Variants in H6PD observed in about 807,000 individuals in gnomAD.
H6PD encodes GDH/6PGL endoplasmic bifunctional protein.
H6PD carries 48 observed loss-of-function variants against 61.2 expected under a neutral mutation model. The observed-to-expected ratio is 0.78, with a 90% confidence interval of 0.62 to 1.00. The LOEUF (loss-of-function observed/expected upper bound fraction) is 1.00. H6PD is among the 50% of genes least tolerant of loss of function. The pLI, the probability that H6PD is intolerant of heterozygous loss-of-function variation, is 0.00. For missense variants in H6PD, 1,093 were observed against 1,065.0 expected (o/e 1.03, Z -0.37); for synonymous variants, 480 against 457.9 (o/e 1.05, Z -0.62).
intron 3 of H6PD, among the ~76,000 whole-genome samples, chr1:9,258,336 CA>C (rs1219653516): frequency 2.0e-5 from 3 of 152,062 alleles, no homozygotes; most frequent in African/African-American, 4.8e-5. Flanking sequence ...AGGGTTGTTA[CA>C]TTGTTGTTAC....
Position 9,271,272 on chromosome 1 carries a change from A to T in H6PD, c.*6403A>T, listed in dbSNP as rs9435164. 30,234 of 152,152 alleles carry T rather than the reference A, an allele frequency of 0.2. 3,761 individuals carry two copies. Among genetic ancestry groups the T allele is most frequent in the African/African-American group, 0.35 (14,375 of 41,452 alleles). The allele number at this position is 152,152 out of a possible 1,614,324, so 9.4% of individuals were successfully genotyped here. ...TTTTAAACCTTTTAAGAACATTTTT[A>T]AAATGTCTTTTTCTATGTCAAATGT... is the stretch of plus-strand genomic sequence containing the variant. On this transcript the variant is annotated 3_prime_UTR_variant, in exon 5 of 5. Transcript: ENST00000377403.
chr1:9,240,644 A>G (rs1016139933), intron 1 of H6PD, among the ~76,000 whole-genome samples: 1 of 152,138 alleles, frequency 6.6e-6, no homozygotes, highest in Non-Finnish European at 1.5e-5. Flanking sequence ...AGCTGCTCAA[A>G]CTTTTCACTA....
Position 9,264,515 on chromosome 1 carries a change from C to G in H6PD, c.2022C>G (p.Ala674=). 6.2e-7 allele frequency: 1 copy of G among 1,613,306 alleles called. No homozygotes were observed. The highest frequency in any genetic ancestry group is 1.1e-5 in the South Asian group (1 of 91,078). ...AGGACCAGGGCGCCCAGATCTATGCCAGGGAGATCTCAGCCCTGGTGGCCA... is the reference window on the plus strand; with the variant it reads ...AGGACCAGGGCGCCCAGATCTATGCGAGGGAGATCTCAGCCCTGGTGGCCA... ...AEEDQGAQIY[A]REISALVANS... The change falls in exon 5 of 5, where the codon GCC becomes GCG. Residue 674 remains alanine, a synonymous_variant. Coordinates refer to ENST00000377403, the MANE Select transcript of H6PD (RefSeq NM_004285.4).
rs1641445719 is a variant in H6PD at position 9,254,070 on chromosome 1, G to A, written c.745+6987G>A. ...ATGGCAGAGCCGGTATTTAAACCGGGGCAGGCTGGGCACGGGGGCTTATAC... is the reference window on the plus strand; with the variant it reads ...ATGGCAGAGCCGGTATTTAAACCGGAGCAGGCTGGGCACGGGGGCTTATAC... On this transcript the variant is annotated intron_variant, in intron 3 of 4. Coordinates refer to ENST00000377403, the MANE Select transcript of H6PD (RefSeq NM_004285.4). This position sits in a 1 kb window ranked among gnomAD's most constrained non-coding sequence, Gnocchi z 4.6. 6.6e-6 allele frequency among the ~76,000 whole-genome samples: 1 copy of A among 152,146 alleles called. No homozygotes were observed. Among genetic ancestry groups the A allele is most frequent in the Non-Finnish European group, 1.5e-5 (1 of 68,024 alleles).
At chr1:9,259,262 A>G (rs1046429732) in intron 3 of H6PD, among the ~76,000 whole-genome samples, 5 of 151,964 alleles carry the variant, frequency 3.3e-5, no homozygotes, top group Admixed American at 6.5e-5. Flanking sequence ...TGCTGGGATT[A>G]TGGGCGTGAG....
Position 9,266,654 on chromosome 1 carries a change from G to A in H6PD, c.*1785G>A, listed in dbSNP as rs183081256. 7.2e-5 allele frequency: 11 copies of A among 152,364 alleles called. No individual in the cohort carries two copies. The East Asian group carries it at 2.1e-3, about 29-fold the overall frequency. 9.4% of individuals were successfully genotyped at this position (152,364 alleles called of 1,614,324 possible). On this transcript the variant is annotated 3_prime_UTR_variant, in exon 5 of 5. Transcript: ENST00000377403. Reference sequence around the variant, plus strand: ...TTTGAGAGAGGGCTTTCTTGGGTGAGGGAGCATGGCAAAGTCGGTTTCTCT... The same window carrying A: ...TTTGAGAGAGGGCTTTCTTGGGTGAAGGAGCATGGCAAAGTCGGTTTCTCT...
rs1142671 is a variant in H6PD, at chr1:9,271,042, A to G, written c.*6173A>G. The G allele has an allele frequency of 4.7e-5, 7 of 149,970 alleles. No individual in the cohort carries two copies. The highest frequency in any genetic ancestry group is 1.7e-4 in the African/African-American group (7 of 40,340). The allele number at this position is 149,970 out of a possible 1,614,324, so 9.3% of individuals were successfully genotyped here. On this transcript the variant is annotated 3_prime_UTR_variant, in exon 5 of 5. Coordinates refer to ENST00000377403, the MANE Select transcript of H6PD (RefSeq NM_004285.4). ...CTGCAAACTTTGCCTCCCAGGTTCA[A>G]GTGATTCTCCTACCTCAGCCTCCCG...
chr1:9,249,950 G>A (rs932631372), intron 3 of H6PD, among the ~76,000 whole-genome samples: 20 of 152,180 alleles, frequency 1.3e-4, no homozygotes, highest in African/African-American at 4.6e-4. Context: ...GTGTGCCTGC[G>A]TGCCAGGGGA....
chr1:9,235,385 T>C (rs9435144), intron 1 of H6PD, among the ~76,000 whole-genome samples: 75,168 of 151,794 alleles, frequency 0.5, 20,183 homozygotes, highest in African/African-American at 0.72. Flanking sequence ...TACCCGGATC[T>C]AGTGAACGGT....
In H6PD at chr1:9,266,410, C is replaced by T. The variant is rs1638564099; in HGVS notation, c.*1541C>T. ...GTGATCTTGAGAAGCCATGGGCCAG[C>T]AATACCTGCTTTTCTGAAGCCCCCA... On this transcript the variant is annotated 3_prime_UTR_variant, in exon 5 of 5. Transcript: ENST00000377403. 6.6e-6 allele frequency: 1 copy of T among 152,236 alleles called. No homozygotes were observed. The highest frequency in any genetic ancestry group is 2.1e-4 in the South Asian group (1 of 4,834). The allele number at this position is 152,236 out of a possible 1,614,324, so 9.4% of individuals were successfully genotyped here.
chr1:9,261,019 A>T (rs913548804), intron 3 of H6PD, among the ~76,000 whole-genome samples: 1 of 151,188 alleles, frequency 6.6e-6, no homozygotes, highest in African/African-American at 2.4e-5. Flanking sequence ...GTCAATCCTG[A>T]CTCTGGGGTG....
At chr1:9,239,380 C>T (rs1472048377) in intron 1 of H6PD, among the ~76,000 whole-genome samples, 1 of 152,120 alleles carries the variant, frequency 6.6e-6, no homozygotes, top group Non-Finnish European at 1.5e-5. Flanking sequence ...GAACAAGGAC[C>T]CCAGAGCCCG....
In H6PD at chr1:9,246,922, C is replaced by T. The variant is rs755740697; in HGVS notation, c.628-44C>T. The T allele has an allele frequency of 1.4e-5, 19 of 1,363,772 alleles. No homozygotes were observed. In the East Asian group the frequency reaches 1.6e-4, roughly 12 times the overall value. The allele number at this position is 1,363,772 out of a possible 1,614,324, so 84.5% of individuals were successfully genotyped here. On this transcript the variant is annotated intron_variant, in intron 2 of 4. Coordinates refer to ENST00000377403, the MANE Select transcript of H6PD (RefSeq NM_004285.4). ...CCGGGAGTCAGGGTTCCTCCTTCAT[C>T]GTGAGAGTATCCTGCAGCACGCCCA...
intron 3 of H6PD, among the ~76,000 whole-genome samples, chr1:9,249,422 G>C (rs1008609230): frequency 2.0e-5 from 3 of 152,204 alleles, no homozygotes; most frequent in Non-Finnish European, 4.4e-5. Context: ...AGGATGTTGG[G>C]TTTGAACAGC....
Position 9,263,695 on chromosome 1 carries a change from A to G in H6PD, c.1202A>G (p.His401Arg), listed in dbSNP as rs1414563862. ...TGCCTGCCCCGGCAGCTCGTCTTCC[A>G]CATCGGCCATGGCGACCTGGGCAGC... ...SQCLPRQLVF[H>R]IGHGDLGSPA... The change falls in exon 5 of 5, where the codon CAC (histidine) becomes CGC (arginine). Residue 401 changes from histidine to arginine, a missense_variant. Physicochemically the swap from His to Arg is conservative, Grantham distance 29. Transcript: ENST00000377403. 6.8e-6 allele frequency: 11 copies of G among 1,613,918 alleles called. No homozygotes were observed. Among genetic ancestry groups the G allele is most frequent in the Non-Finnish European group, 9.3e-6 (11 of 1,180,016 alleles).
rs9434747 is a variant in H6PD at position 9,268,152 on chromosome 1, T to C, written c.*3283T>C. ...TACTCGGGAGTCTGAGGTGGGAGGATCACCTGAGCCCAGGAGACTGAGGCT... is the reference window on the plus strand; with the variant it reads ...TACTCGGGAGTCTGAGGTGGGAGGACCACCTGAGCCCAGGAGACTGAGGCT... On this transcript the variant is annotated 3_prime_UTR_variant, in exon 5 of 5. Coordinates refer to ENST00000377403, the MANE Select transcript of H6PD (RefSeq NM_004285.4). The C allele has an allele frequency of 0.21, 30,993 of 148,688 alleles. 3,328 individuals are homozygous for C. Among genetic ancestry groups the C allele is most frequent in the African/African-American group, 0.26 (10,321 of 40,136 alleles). 9.2% of individuals were successfully genotyped at this position (148,688 alleles called of 1,614,324 possible).
rs992460265 is a variant in H6PD, at chr1:9,269,049, A to T, written c.*4180A>T. 9 of 143,476 alleles carry T rather than the reference A, an allele frequency of 6.3e-5. 1 individual carries two copies. The South Asian group carries it at 9.0e-4, about 14-fold the overall frequency. 8.9% of individuals were successfully genotyped at this position (143,476 alleles called of 1,614,324 possible). On this transcript the variant is annotated 3_prime_UTR_variant, in exon 5 of 5. Coordinates refer to ENST00000377403, the MANE Select transcript of H6PD (RefSeq NM_004285.4). The surrounding 1 kb of genome is among the most constrained non-coding windows in gnomAD (Gnocchi z 4.3). Reference sequence around the variant, plus strand: ...CTTAGAACTTACTCCACTGATTTAAAAAAAAAAAACTGCCTGGCAGCATCT... The same window carrying T: ...CTTAGAACTTACTCCACTGATTTAATAAAAAAAAACTGCCTGGCAGCATCT...
chr1:9,240,149 T>A, intron 1 of H6PD: 1 of 440,508 alleles, frequency 2.3e-6, no homozygotes, highest in Non-Finnish European at 3.8e-6. Flanking sequence ...GAAGAAGGCC[T>A]TTTCCACCTC....
At chr1:9,248,046 C>T (rs1047719061) in intron 3 of H6PD, among the ~76,000 whole-genome samples, 1 of 152,232 alleles carries the variant, frequency 6.6e-6, no homozygotes, top group Non-Finnish European at 1.5e-5. Flanking sequence ...GGAGCCTGAT[C>T]CTGGGGGCAA....
Sources: allele counts gnomAD v4.1 joint callset (sites outside exome capture counted in the v4.1 genomes callset), GRCh38; gene constraint gnomAD v4.1.1; non-coding constraint Gnocchi (gnomAD v3.1); transcripts MANE v1.5; gene names NCBI Gene and HGNC (gene_info 2026-07-23, HGNC 2026-07-21).